The following TP53BP1 variants were observed in gnomAD, a reference collection of about 807,000 sequenced individuals.
TP53BP1 encodes tumor protein p53 binding protein 1.
A neutral mutation model predicts 200.8 loss-of-function variants in TP53BP1; 61 were observed. The observed-to-expected ratio is 0.30, with a 90% confidence interval of 0.25 to 0.38. The LOEUF is 0.38. Ranked by LOEUF, TP53BP1 falls within the 10% of genes least tolerant of loss-of-function variation. TP53BP1 has a pLI of 1.00. For missense variants in TP53BP1, 2,144 were observed against 2,371.9 expected, an observed-to-expected ratio of 0.90 and a Z score of 2.00; for synonymous variants, 822 against 844.3, an observed-to-expected ratio of 0.97 and a Z score of 0.46.
rs183963701 is a variant in TP53BP1, at chr15:43,482,579, G to C, written c.372-1557C>G. ...GTCAGGAGATCGAGACCATCCCGGC[G>C]AACAAGGTGAAACCCTGTCTCTACT... On this transcript the variant is annotated intron_variant, in intron 4 of 27. Coordinates refer to ENST00000382044, the MANE Select transcript of TP53BP1 (RefSeq NM_001141980.3). Among the ~76,000 whole-genome samples, 8 of 152,068 alleles carry C rather than the reference G, an allele frequency of 5.3e-5. No individual in the cohort carries two copies. The South Asian group carries it at 1.7e-3, about 32-fold the overall frequency.
chr15:43,406,860 A>G lies in TP53BP1; in HGVS notation c.*523T>C. ...TCCTTTCGTTCTCCCTTTAGCTCTA[A>G]GAGTTGGGGAGTACCCACAGGTGAG... On this transcript the variant is annotated 3_prime_UTR_variant, in exon 28 of 28. Transcript: ENST00000382044. 2 of 307,530 alleles carry G rather than the reference A, an allele frequency of 6.5e-6. No individual in the cohort carries two copies. Among genetic ancestry groups the G allele is most frequent in the Admixed American group, 8.4e-5 (2 of 23,672 alleles). 19.1% of individuals were successfully genotyped at this position (307,530 alleles called of 1,614,324 possible).
At position 43,421,897 on chromosome 15, in the gene TP53BP1, T is replaced by C; in HGVS notation, c.4058A>G (p.Asp1353Gly). 1 of 1,614,224 alleles carries C rather than the reference T, an allele frequency of 6.2e-7. No homozygotes were observed. The highest frequency in any genetic ancestry group is 1.3e-5 in the African/African-American group (1 of 75,064). The change falls in exon 19 of 28, where the codon GAT becomes GGT. Residue 1353 changes from aspartate to glycine, a missense_variant. Physicochemically the swap from Asp to Gly is moderately conservative, Grantham distance 94. Around this residue, in one of 4 missense-constraint regions of TP53BP1, gnomAD observed 1,700 missense variants for 1,710.3 expected, o/e 0.99. Coordinates refer to ENST00000382044, the MANE Select transcript of TP53BP1 (RefSeq NM_001141980.3). ...TCCTCGGGAGCTGGGTAAGGCAAAA[T>C]CTGCGGGTTCTGTCCCGCTGGTTTT... ...RGKTSGTEPA[D>G]FALPSSRGGP...
At chr15:43,492,903 C>T in intron 1 of TP53BP1, 134 bp downstream of exon 1, 2 of 998,482 alleles carry the variant, frequency 2.0e-6, no homozygotes, top group East Asian at 3.0e-5. Context: ...CCACCCCCTC[C>T]TTAGGGCCCT....
At position 43,404,356 on chromosome 15, in the gene TP53BP1, C is replaced by G. The variant is rs1750297209; in HGVS notation, c.*3027G>C. ...AAACTCCTCCCTCCGCCCCCATCCT[C>G]CATATGGAGAGTTGGTGAGCTGAAG... On this transcript the variant is annotated 3_prime_UTR_variant, in exon 28 of 28. Coordinates refer to ENST00000382044, the MANE Select transcript of TP53BP1 (RefSeq NM_001141980.3). The G allele has an allele frequency of 1.2e-6, 2 of 1,607,302 alleles. No individual in the cohort carries two copies. Among genetic ancestry groups the G allele is most frequent in the Admixed American group, 3.4e-5 (2 of 59,428 alleles).
At chr15:43,470,730 G>A (rs1232575868) in intron 10 of TP53BP1, among the ~76,000 whole-genome samples, 1 of 152,178 alleles carries the variant, frequency 6.6e-6, no homozygotes, top group Non-Finnish European at 1.5e-5. Context: ...TAGGCTATCA[G>A]GAACTTGCTT....
At chr15:43,471,687 C>T (rs2046729391) in intron 10 of TP53BP1, among the ~76,000 whole-genome samples, 2 of 152,120 alleles carry the variant, frequency 1.3e-5, no homozygotes, top group African/African-American at 2.4e-5. Flanking sequence ...CTTGGCCTCC[C>T]AAAGTATTGG....
At chr15:43,454,630 T>C (rs556134433) in intron 12 of TP53BP1, among the ~76,000 whole-genome samples, 2 of 152,358 alleles carry the variant, frequency 1.3e-5, no homozygotes, top group East Asian at 1.9e-4. Flanking sequence ...CCCAAAGTGC[T>C]GGGATTACAG....
chr15:43,457,158 C>T lies in TP53BP1; in HGVS notation c.1450G>A (p.Asp484Asn). The T allele has an allele frequency of 6.2e-7, 1 of 1,612,750 alleles. No homozygotes were observed. Among genetic ancestry groups the T allele is most frequent in the Non-Finnish European group, 8.5e-7 (1 of 1,179,112 alleles). ...EQSNDGKKDG[D>N]MHSSSLTVEC... is the part of the protein sequence containing the mutation. ...ACTGTCAAAGATGAACTATGCATAT[C>T]TCCATCTTTCTTCCCATCATTTGAT... Residue 484 changes from aspartate to asparagine, a missense_variant, in exon 12 of 28, where the codon GAT (aspartate) becomes AAT (asparagine). By Grantham distance (23) the Asp-to-Asn change is conservative. Transcript: ENST00000382044.
In TP53BP1 at chr15:43,491,982, G is replaced by C; in HGVS notation, c.286+20C>G. 6.3e-7 allele frequency: 1 copy of C among 1,587,066 alleles called. No individual in the cohort carries two copies. ...GCACCCAAAAAATGCAAAGGGGACA[G>C]ATAGCTTTAAACACCTCACCTGCAA... On this transcript the variant is annotated intron_variant, in intron 3 of 27. Transcript: ENST00000382044.
At chr15:43,494,159 T>C (rs967564171), upstream of TP53BP1, among the ~76,000 whole-genome samples, 46 of 152,248 alleles carry the variant, frequency 3.0e-4, no homozygotes, top group African/African-American at 1.1e-3. Flanking sequence ...AGAGCAGCTG[T>C]CAATAGGGAA....
chr15:43,412,412 T>A (rs1233995297), intron 24 of TP53BP1, among the ~76,000 whole-genome samples: 1 of 152,234 alleles, frequency 6.6e-6, no homozygotes, highest in Non-Finnish European at 1.5e-5. Context: ...CAGATACTGC[T>A]GTCAGTCACA....
rs183826770 is a variant in TP53BP1, at chr15:43,472,600, A to C, written c.1180+2073T>G. Among the ~76,000 whole-genome samples, 106 of 152,362 alleles carry C rather than the reference A, an allele frequency of 7.0e-4. 4 individuals are homozygous for C. In the East Asian group the frequency reaches 0.02, roughly 28 times the overall value. Reference sequence around the variant, plus strand: ...CTACTCTTAACCATTCTTATGCTAAAACTATTTTAATAGCAAAAATAACCT... The same window carrying C: ...CTACTCTTAACCATTCTTATGCTAACACTATTTTAATAGCAAAAATAACCT... On this transcript the variant is annotated intron_variant, in intron 10 of 27. Coordinates refer to ENST00000382044, the MANE Select transcript of TP53BP1 (RefSeq NM_001141980.3).
intron 4 of TP53BP1, among the ~76,000 whole-genome samples, chr15:43,489,031 C>T (rs2079085392): frequency 1.3e-5 from 2 of 152,240 alleles, no homozygotes; most frequent in African/African-American, 4.8e-5. Flanking sequence ...AAATGTGCAG[C>T]TCTTCAACTA....
chr15:43,423,934 A>G (rs573360141), intron 18 of TP53BP1, among the ~76,000 whole-genome samples: 9 of 152,118 alleles, frequency 5.9e-5, no homozygotes, highest in East Asian at 1.9e-4. Context: ...TCACTCTCAC[A>G]TGCTTTCCCT....
chr15:43,455,816 G>C, intron 12 of TP53BP1, 76 bp downstream of exon 12: 1 of 1,520,138 alleles, frequency 6.6e-7, no homozygotes, highest in African/African-American at 1.4e-5. Context: ...CCTGACATAA[G>C]CATGCAGTTC....
chr15:43,430,415 T>C (rs932919662), intron 17 of TP53BP1, among the ~76,000 whole-genome samples: 3 of 151,762 alleles, frequency 2.0e-5, no homozygotes, highest in South Asian at 2.1e-4. Context: ...ATTTTTACTA[T>C]GGTAAAATCT....
intron 17 of TP53BP1, among the ~76,000 whole-genome samples, chr15:43,431,700 C>T (rs1175331841): frequency 1.3e-5 from 2 of 152,200 alleles, no homozygotes; most frequent in Non-Finnish European, 2.9e-5. Flanking sequence ...GGGGACTTTT[C>T]CCCATCTCTC....
At chr15:43,415,415 G>T (rs1158884077) in intron 23 of TP53BP1, 179 bp downstream of exon 23, 1 of 724,500 alleles carries the variant, frequency 1.4e-6, no homozygotes, top group African/African-American at 1.7e-5. Context: ...GTCTGTAGGG[G>T]ATGGGGGAGG....
intron 16 of TP53BP1, among the ~76,000 whole-genome samples, chr15:43,437,193 C>T (rs542018165): frequency 8.6e-5 from 13 of 151,898 alleles, no homozygotes; most frequent in East Asian, 5.8e-4. Flanking sequence ...AAATTAATTC[C>T]ATTAAGTCTG....
Sources: allele counts gnomAD v4.1 joint callset (sites outside exome capture counted in the v4.1 genomes callset), GRCh38; gene constraint gnomAD v4.1.1; regional missense constraint gnomAD v4.1.1; transcripts MANE v1.5; gene names NCBI Gene and HGNC (gene_info 2026-07-23, HGNC 2026-07-21).